ADGRB3: variants seen among roughly 807,000 people sequenced by gnomAD.
The protein encoded by ADGRB3 is adhesion G protein-coupled receptor B3.
ADGRB3 carries 37 observed loss-of-function variants against 193.4 expected under a neutral mutation model. The observed-to-expected ratio is 0.19, with a 90% CI of 0.15 to 0.25. The LOEUF (loss-of-function observed/expected upper bound fraction) is 0.25, where lower values mean the gene tolerates loss of function less well. ADGRB3 is among the 10% of genes least tolerant of loss of function. The probability of loss-of-function intolerance (pLI) is 1.00; values close to 1 mark genes in which losing one functional copy is unlikely to be tolerated. For missense variants in ADGRB3, 1,637 were observed against 1,852.9 expected, an observed-to-expected ratio of 0.88 and a Z score of 2.14; for synonymous variants, 690 against 644.2, an observed-to-expected ratio of 1.07 and a Z score of -1.08.
At chr6:69,205,888 G>A (rs909230330) in intron 17 of ADGRB3, among the ~76,000 whole-genome samples, 2 of 150,796 alleles carry the variant, frequency 1.3e-5, no homozygotes, top group African/African-American at 4.9e-5. Context: ...TGATCTCAAA[G>A]GATCCTCCTG....
intron 20 of ADGRB3, among the ~76,000 whole-genome samples, chr6:69,268,581 T>C (rs201331118): frequency 4.7e-5 from 7 of 150,276 alleles, no homozygotes; most frequent in Admixed American, 1.3e-4. Flanking sequence ...AGTATTGACA[T>C]ACTCTGGCCT....
intron 3 of ADGRB3, among the ~76,000 whole-genome samples, chr6:68,729,674 G>T (rs1327858451): frequency 5.3e-5 from 8 of 151,514 alleles, no homozygotes; most frequent in African/African-American, 1.9e-4. Flanking sequence ...CCAAAATTTC[G>T]ATTATTGCTG....
intron 3 of ADGRB3, among the ~76,000 whole-genome samples, chr6:68,776,101 A>T (rs181845098): frequency 6.6e-6 from 1 of 152,218 alleles, no homozygotes; most frequent in East Asian, 1.9e-4. Flanking sequence ...TGACAAACAT[A>T]GGCTCTGTTT....
intron 26 of ADGRB3, among the ~76,000 whole-genome samples, chr6:69,348,366 G>T (rs1456085484): frequency 2.6e-5 from 4 of 152,068 alleles, no homozygotes; most frequent in Non-Finnish European, 5.9e-5. Context: ...AGAAGAGTAG[G>T]CTGGGCACAG....
Position 69,333,936 on chromosome 6 carries a change from C to CAAAATAAAATAAAAT in ADGRB3, c.3188+998_3188+1012dup, listed in dbSNP as rs70987461. 9.1e-5 allele frequency among the ~76,000 whole-genome samples: 10 copies of CAAAATAAAATAAAAT among 110,480 alleles called. 1 individual carries two copies. Among genetic ancestry groups the CAAAATAAAATAAAAT allele is most frequent in the Non-Finnish European group, 1.9e-4 (10 of 53,700 alleles). 72.5% of individuals were successfully genotyped at this position (110,480 alleles called of 152,430 possible). A position where few individuals can be genotyped will look rare whatever the true frequency, so the allele number is the denominator to read the frequency against. On this transcript the variant is annotated intron_variant, in intron 24 of 31. Transcript: ENST00000370598. ...CAGAGCGAGACTCTGTCTCAAAAAACAAAATAAAATAAAATAAAATAAAAT... is the reference window on the plus strand; with the variant it reads ...CAGAGCGAGACTCTGTCTCAAAAAACAAAATAAAATAAAATAAAATAAAATAAAATAAAATAAAAT...
chr6:69,065,764 T>TACACACACAC (rs3043304), intron 16 of ADGRB3, among the ~76,000 whole-genome samples: 22 of 129,262 alleles, frequency 1.7e-4, no homozygotes, highest in African/African-American at 1.8e-4. Context: ...TGTATATATA[T>TACACACACAC]ACACACACAC....
At chr6:69,109,240 A>G (rs1228375784) in intron 17 of ADGRB3, among the ~76,000 whole-genome samples, 5 of 152,230 alleles carry the variant, frequency 3.3e-5, no homozygotes, top group Non-Finnish European at 7.3e-5. Context: ...TTCATGAAAT[A>G]AATGACAAAG....
chr6:68,980,492 T>G (rs1768877958), intron 10 of ADGRB3, among the ~76,000 whole-genome samples: 1 of 151,578 alleles, frequency 6.6e-6, no homozygotes, highest in Admixed American at 6.6e-5. Flanking sequence ...ACTTTTTTGG[T>G]CACCATCTGA....
intron 13 of ADGRB3, among the ~76,000 whole-genome samples, chr6:69,020,182 A>T (rs7756637): frequency 0.42 from 64,443 of 151,864 alleles, 14,358 homozygotes; most frequent in African/African-American, 0.47. Context: ...AAATGTTAAC[A>T]TCTAATCCTA....
chr6:69,216,102 T>G (rs1018901435), intron 17 of ADGRB3, among the ~76,000 whole-genome samples: 2 of 152,184 alleles, frequency 1.3e-5, no homozygotes, highest in African/African-American at 4.8e-5. Context: ...TATAATGGTT[T>G]TGGTGGCAGA....
chr6:68,653,066 T>C (rs1352170969), intron 3 of ADGRB3, among the ~76,000 whole-genome samples: 1 of 152,118 alleles, frequency 6.6e-6, no homozygotes. Flanking sequence ...AAAAGTGACA[T>C]TGCTCACTTC....
At chr6:68,919,806 T>C (rs1766986216) in intron 3 of ADGRB3, among the ~76,000 whole-genome samples, 1 of 152,120 alleles carries the variant, frequency 6.6e-6, no homozygotes, top group Non-Finnish European at 1.5e-5. Flanking sequence ...GGCAGGAGGT[T>C]TGAAGTCAGA....
intron 3 of ADGRB3, among the ~76,000 whole-genome samples, chr6:68,648,588 T>A (rs1768272167): frequency 6.6e-6 from 1 of 150,728 alleles, no homozygotes; most frequent in African/African-American, 2.4e-5. Context: ...TGCTTAAAAA[T>A]CATTAAGAAA....
chr6:68,997,758 C>T (rs1316009232), intron 11 of ADGRB3, among the ~76,000 whole-genome samples: 2 of 151,988 alleles, frequency 1.3e-5, no homozygotes, highest in East Asian at 3.9e-4. Context: ...TAAAATGACT[C>T]CTGTTTTTAA....
intron 20 of ADGRB3, among the ~76,000 whole-genome samples, chr6:69,299,985 T>C (rs1767915494): frequency 6.6e-6 from 1 of 151,722 alleles, no homozygotes; most frequent in African/African-American, 2.4e-5. Flanking sequence ...TGTGGACATA[T>C]TAACAATATA....
chr6:68,937,713 C>T (rs1033902920), intron 5 of ADGRB3, among the ~76,000 whole-genome samples: 4 of 151,944 alleles, frequency 2.6e-5, no homozygotes, highest in Admixed American at 6.6e-5. Context: ...GTGGGTGGCA[C>T]GGAGTAAGAA....
intron 26 of ADGRB3, among the ~76,000 whole-genome samples, chr6:69,353,669 T>G (rs1769275154): frequency 6.6e-6 from 1 of 152,252 alleles, no homozygotes; most frequent in Non-Finnish European, 1.5e-5. Context: ...ATAGCTATTT[T>G]GATAGCTAAG....
intron 3 of ADGRB3, among the ~76,000 whole-genome samples, chr6:68,824,240 T>C (rs2127381335): frequency 6.6e-6 from 1 of 152,228 alleles, no homozygotes; most frequent in East Asian, 1.9e-4. Flanking sequence ...TATTTCTTTA[T>C]ATCTCTGTGA....
intron 3 of ADGRB3, among the ~76,000 whole-genome samples, chr6:68,686,972 A>T (rs1172508246): frequency 6.6e-6 from 1 of 152,284 alleles, no homozygotes; most frequent in African/African-American, 2.4e-5. Flanking sequence ...ATTTTTAAAA[A>T]TATGCTTTTT....
Sources: allele counts gnomAD v4.1 joint callset (sites outside exome capture counted in the v4.1 genomes callset), GRCh38; gene constraint gnomAD v4.1.1; transcripts MANE v1.5; gene names NCBI Gene and HGNC (gene_info 2026-07-23, HGNC 2026-07-21).